The following TNRC6A variants were observed in gnomAD, a reference collection of about 807,000 sequenced individuals.
TNRC6A encodes the protein trinucleotide repeat-containing gene 6A protein.
Under a neutral mutation model 221.2 loss-of-function variants are expected in TNRC6A, and 44 were observed. That is an observed-to-expected ratio of 0.20 (90% CI 0.16 to 0.26). The LOEUF is 0.26. Ranked by LOEUF, TNRC6A falls within the 10% of genes least tolerant of loss-of-function variation. TNRC6A has a pLI of 1.00. For missense variants in TNRC6A, 2,199 were observed against 2,404.4 expected (o/e 0.91, Z 1.79); for synonymous variants, 847 against 838.5 (o/e 1.01, Z -0.18).
chr16:24,654,746 T>TA (rs1302386877), intron 2 of TNRC6A, among the ~76,000 whole-genome samples: 1 of 151,258 alleles, frequency 6.6e-6, no homozygotes, highest in African/African-American at 2.4e-5. Context: ...AAATAAAAAA[T>TA]AAAAAAACAC....
intron 2 of TNRC6A, among the ~76,000 whole-genome samples, chr16:24,713,843 G>A (rs367974209): frequency 2.6e-5 from 4 of 152,188 alleles, no homozygotes; most frequent in Admixed American, 6.5e-5. Context: ...ATGGGGTTTC[G>A]CCATGTTGGC....
intron 2 of TNRC6A, among the ~76,000 whole-genome samples, chr16:24,704,838 T>TA (rs533456767): frequency 9.9e-5 from 15 of 151,816 alleles, no homozygotes; most frequent in Non-Finnish European, 2.2e-4. Flanking sequence ...TTTAAAACAG[T>TA]AATAACAGAA....
intron 2 of TNRC6A, 34 bp from the exon 3 acceptor site, chr16:24,750,692 T>G: frequency 6.7e-7 from 1 of 1,493,960 alleles, no homozygotes; most frequent in Non-Finnish European, 8.9e-7. Context: ...TCTTAATACA[T>G]TTTGGGAAAC....
chr16:24,804,699 A>G lies in TNRC6A; in HGVS notation c.3838-6A>G. 6.3e-7 allele frequency: 1 copy of G among 1,577,212 alleles called. No homozygotes were observed. Among genetic ancestry groups the G allele is most frequent in the East Asian group, 2.2e-5 (1 of 44,672 alleles). ...GTGTTGCACATCTTTCTGTCTGTCC[A>G]ATCAGGATGGCATTGTAGCAGATGA... On this transcript the variant is annotated splice_polypyrimidine_tract_variant and splice_region_variant and intron_variant, in intron 12 of 24. Coordinates refer to ENST00000395799, the MANE Select transcript of TNRC6A (RefSeq NM_014494.4).
intron 1 of TNRC6A, among the ~76,000 whole-genome samples, chr16:24,635,665 G>A (rs968699598): frequency 1.3e-5 from 2 of 152,100 alleles, no homozygotes; most frequent in African/African-American, 4.8e-5. Flanking sequence ...GGTATTCAGG[G>A]AAAACAATTA....
At chr16:24,640,176 G>T (rs1209623350) in intron 1 of TNRC6A, among the ~76,000 whole-genome samples, 1 of 152,088 alleles carries the variant, frequency 6.6e-6, no homozygotes, top group Admixed American at 6.6e-5. Flanking sequence ...AAGGCAGGTG[G>T]ATCCCTAGAG....
intron 2 of TNRC6A, among the ~76,000 whole-genome samples, chr16:24,719,950 C>T (rs924317014): frequency 2.6e-5 from 4 of 151,866 alleles, no homozygotes; most frequent in African/African-American, 7.3e-5. Context: ...GGGAGGGAGA[C>T]CTTTTGAGTT....
chr16:24,672,963 G>A (rs1285182741), intron 2 of TNRC6A, among the ~76,000 whole-genome samples: 2 of 152,074 alleles, frequency 1.3e-5, no homozygotes, highest in Non-Finnish European at 2.9e-5. Context: ...CACTTTGGGA[G>A]GCCAAGGCAG....
intron 2 of TNRC6A, among the ~76,000 whole-genome samples, chr16:24,678,076 G>A (rs541304548): frequency 2.5e-3 from 378 of 152,160 alleles, no homozygotes; most frequent in African/African-American, 8.5e-3. Context: ...TTGGGAGGCC[G>A]AGGTGGGTGA....
At chr16:24,688,133 G>A (rs533965055) in intron 2 of TNRC6A, among the ~76,000 whole-genome samples, 206 of 151,376 alleles carry the variant, frequency 1.4e-3, no homozygotes, top group African/African-American at 4.8e-3. Flanking sequence ...TAGAGACGGG[G>A]TTTTACCATG....
chr16:24,647,035 C>T (rs980333443), intron 2 of TNRC6A, among the ~76,000 whole-genome samples: 3 of 152,102 alleles, frequency 2.0e-5, no homozygotes, highest in Admixed American at 6.6e-5. Flanking sequence ...CTCAGTGATC[C>T]TCCCACCTCA....
intron 22 of TNRC6A, among the ~76,000 whole-genome samples, chr16:24,821,360 A>T (rs968305835): frequency 3.3e-5 from 5 of 152,320 alleles, no homozygotes; most frequent in African/African-American, 1.2e-4. Flanking sequence ...TGTAGGAGTA[A>T]GCCAAGCGAA....
chr16:24,759,666 G>A (rs1259753712), intron 4 of TNRC6A, among the ~76,000 whole-genome samples: 2 of 152,142 alleles, frequency 1.3e-5, no homozygotes, highest in African/African-American at 4.8e-5. Flanking sequence ...CATAAGCTGT[G>A]GAAATTTAAC....
intron 1 of TNRC6A, among the ~76,000 whole-genome samples, chr16:24,633,609 G>A (rs1901463183): frequency 6.6e-6 from 1 of 152,008 alleles, no homozygotes; most frequent in South Asian, 2.1e-4. Context: ...TGGCCAGGCA[G>A]ACCTCGAACT....
rs116561257 is a variant in TNRC6A at position 24,813,890 on chromosome 16, G to A, written c.4673-1257G>A. Among the ~76,000 whole-genome samples the A allele has an allele frequency of 8.9e-3, 1,348 of 152,212 alleles. 24 individuals are homozygous for A. The highest frequency in any genetic ancestry group is 0.031 in the African/African-American group (1,275 of 41,520). On this transcript the variant is annotated intron_variant, in intron 18 of 24. Coordinates refer to ENST00000395799, the MANE Select transcript of TNRC6A (RefSeq NM_014494.4). Reference sequence around the variant, plus strand: ...TTACTAGAAAAAAATATATAATTACGTTTATCATCTCAGGTGTAAGAATTA... The same window carrying A: ...TTACTAGAAAAAAATATATAATTACATTTATCATCTCAGGTGTAAGAATTA...
intron 1 of TNRC6A, among the ~76,000 whole-genome samples, chr16:24,615,796 T>C (rs1482387287): frequency 1.3e-5 from 2 of 151,690 alleles, no homozygotes; most frequent in East Asian, 3.9e-4. Flanking sequence ...GAAGCTGAGG[T>C]AAGAGGATCC....
At chr16:24,720,716 GAA>G (rs984845041) in intron 2 of TNRC6A, among the ~76,000 whole-genome samples, 2 of 122,064 alleles carry the variant, frequency 1.6e-5, no homozygotes, top group African/African-American at 6.0e-5. Context: ...AAGAAAGAAA[GAA>G]AAAAAAAAAA....
At chr16:24,659,402 G>C (rs1366545661) in intron 2 of TNRC6A, among the ~76,000 whole-genome samples, 3 of 151,838 alleles carry the variant, frequency 2.0e-5, no homozygotes, top group Non-Finnish European at 4.4e-5. Context: ...CTCTCTCCTC[G>C]TGCCCTCAAA....
chr16:24,765,069 A>G (rs1422047797), intron 4 of TNRC6A, among the ~76,000 whole-genome samples: 2 of 152,176 alleles, frequency 1.3e-5, no homozygotes, highest in Non-Finnish European at 2.9e-5. Context: ...GAAATCTTGG[A>G]AAAGGAGGGG....
Sources: allele counts gnomAD v4.1 joint callset (sites outside exome capture counted in the v4.1 genomes callset), GRCh38; gene constraint gnomAD v4.1.1; transcripts MANE v1.5; gene names NCBI Gene and HGNC (gene_info 2026-07-23, HGNC 2026-07-21).